The following KLHL35 variants were observed in gnomAD, a reference collection of about 807,000 sequenced individuals.
KLHL35 encodes kelch like family member 35.
KLHL35 carries 50 observed loss-of-function variants against 44.0 expected under a neutral mutation model. The ratio of observed to expected loss-of-function variants is 1.14; its 90% CI spans 0.91 to 1.44. KLHL35 has a LOEUF of 1.44. Ranked by LOEUF, KLHL35 falls within the 40% of genes most tolerant of loss-of-function variation. The pLI is 0.00. For missense variants in KLHL35, 1,049 were observed against 887.8 expected, an observed-to-expected ratio of 1.18 and a Z score of -2.31; for synonymous variants, 470 against 410.4, an observed-to-expected ratio of 1.15 and a Z score of -1.76.
chr11:75,429,233 T>TAA (rs1948514341), intron 2 of KLHL35, among the ~76,000 whole-genome samples: 1 of 152,176 alleles, frequency 6.6e-6, no homozygotes, highest in African/African-American at 2.4e-5. Context: ...TAGCCATTGG[T>TAA]TTTCTAATTC....
In KLHL35 at chr11:75,430,172, G is replaced by A. The variant is rs1371192248; in HGVS notation, c.458C>T (p.Ala153Val). ...VRFLEGRLRA[A>V]NSLALRRVAA... ...CACGCGGCGCAGCGCTAGGCTGTTG[G>A]CGGCGCGCAGGCGGCCCTCGAGAAA... is the stretch of plus-strand genomic sequence containing the variant. Residue 153 changes from alanine to valine, a missense_variant, in exon 2 of 7, where the codon GCC becomes GTC. Coordinates refer to ENST00000539798, the MANE Select transcript of KLHL35 (RefSeq NM_001039548.3). 2 of 1,235,196 alleles carry A rather than the reference G, an allele frequency of 1.6e-6. No individual in the cohort carries two copies. Among genetic ancestry groups the A allele is most frequent in the South Asian group, 2.8e-5 (1 of 36,340 alleles). The allele number at this position is 1,235,196 out of a possible 1,614,324, so 76.5% of individuals were successfully genotyped here.
At position 75,428,661 on chromosome 11, in the gene KLHL35, G is replaced by A. The variant is rs752307466; in HGVS notation, c.882-35C>T. 11 of 1,522,312 alleles carry A rather than the reference G, an allele frequency of 7.2e-6. No homozygotes were observed. In the East Asian group the frequency reaches 9.2e-5, roughly 13 times the overall value. The allele number at this position is 1,522,312 out of a possible 1,614,324, so 94.3% of individuals were successfully genotyped here. ...GGATAAGCCCAGTGCCTGTTGGGCC[G>A]CACCCAAGTTCGGCCCTCTCTTACC... On this transcript the variant is annotated intron_variant, in intron 2 of 6. Transcript: ENST00000539798.
chr11:75,427,730 C>A (rs1299149748), intron 3 of KLHL35, among the ~76,000 whole-genome samples: 1 of 152,198 alleles, frequency 6.6e-6, no homozygotes, highest in Non-Finnish European at 1.5e-5. Flanking sequence ...AGCCCTGAGT[C>A]CCCAGGGTTC....
At chr11:75,425,776 C>G (rs577027637) in intron 4 of KLHL35, 195 bp from the exon 5 acceptor site, 2 of 450,880 alleles carry the variant, frequency 4.4e-6, no homozygotes, top group Non-Finnish European at 7.7e-6. Flanking sequence ...CTCCCTGAGC[C>G]GGTTTCCTCT....
chr11:75,429,939 G>A lies in KLHL35; in HGVS notation c.691C>T (p.Arg231Cys), dbSNP rs530827990. Residue 231 changes from arginine (R) to cysteine (C), a missense_variant, in exon 2 of 7, where the codon CGC becomes TGC. Physicochemically the swap from Arg to Cys is radical, Grantham distance 180. Coordinates refer to ENST00000539798, the MANE Select transcript of KLHL35 (RefSeq NM_001039548.3). ...MRWVRHDAPA[R>C]RGQLRRLLEH... The stretch of plus-strand genomic sequence containing the variant: ...AGCAGGCGTCGCAGCTGGCCGCGGC[G>A]GGCCGGCGCGTCGTGGCGCACCCAG... 5.7e-5 allele frequency: 83 copies of A among 1,457,836 alleles called. No individual in the cohort carries two copies. In the South Asian group the frequency reaches 1.0e-3, roughly 18 times the overall value. 90.3% of individuals were successfully genotyped at this position (1,457,836 alleles called of 1,614,324 possible).
intron 4 of KLHL35, chr11:75,425,978 C>G (rs1215249181): frequency 1.2e-5 from 2 of 161,454 alleles, no homozygotes; most frequent in African/African-American, 2.5e-5. Context: ...TTTTTTGAGA[C>G]AAAGTCTCGC....
At chr11:75,427,389 C>A (rs537506431) in intron 3 of KLHL35, among the ~76,000 whole-genome samples, 103 of 152,324 alleles carry the variant, frequency 6.8e-4, no homozygotes, top group African/African-American at 2.4e-3. Context: ...TCAATGGGAG[C>A]CTCCCTGGGG....
intron 5 of KLHL35, 49 bp downstream of exon 5, chr11:75,425,344 T>C: frequency 6.7e-7 from 1 of 1,483,132 alleles, no homozygotes; most frequent in Non-Finnish European, 8.9e-7. Context: ...TGGCACACAG[T>C]GGGCACCCCA....
intron 5 of KLHL35, 37 bp from the exon 6 acceptor site, chr11:75,423,917 C>T: frequency 3.4e-6 from 5 of 1,463,252 alleles, no homozygotes; most frequent in Non-Finnish European, 4.6e-6. Context: ...AGACTCACCG[C>T]CCCCCCCAAC....
At chr11:75,428,667 A>G in intron 2 of KLHL35, 41 bp from the exon 3 acceptor site, 1 of 1,511,598 alleles carries the variant, frequency 6.6e-7, no homozygotes, top group Non-Finnish European at 8.9e-7. Context: ...GGCCGCACCC[A>G]AGTTCGGCCC....
chr11:75,423,751 A>T lies in KLHL35; in HGVS notation c.1504T>A (p.Phe502Ile). Residue 502 changes from phenylalanine (F) to isoleucine (I), a missense_variant, in exon 6 of 7, where the codon TTC (phenylalanine) becomes ATC (isoleucine). Phe to Ile is a conservative substitution (Grantham distance 21). Transcript: ENST00000539798. The stretch of plus-strand genomic sequence containing the variant: ...ACATCTGTGCCTGGATCATAGGTGA[A>T]GATTTTGCTCATGAGACCCCCCATG... ...YVMGGLMSKI[F>I]TYDPGTDVWG... 6.2e-7 allele frequency: 1 copy of T among 1,613,834 alleles called. No homozygotes were observed. The highest frequency in any genetic ancestry group is 8.5e-7 in the Non-Finnish European group (1 of 1,179,856).
Position 75,428,461 on chromosome 11 carries a change from G to C in KLHL35, c.1047C>G (p.Arg349=). ...CCTCACCGGAGACGTAGACGTCATT[G>C]CGGAGAGCACAGGCGGCGAATTCTG... The part of the protein sequence containing the change: ...TRSEFAACAL[R]NDVYVSGGHI... The change falls in exon 3 of 7, where the codon CGC becomes CGG. Residue 349 remains arginine, a synonymous_variant. Coordinates refer to ENST00000539798, the MANE Select transcript of KLHL35 (RefSeq NM_001039548.3). 6.2e-7 allele frequency: 1 copy of C among 1,612,506 alleles called. No homozygotes were observed. The highest frequency in any genetic ancestry group is 8.5e-7 in the Non-Finnish European group (1 of 1,179,870).
Position 75,426,482 on chromosome 11 carries a change from C to A in KLHL35, c.1185+38G>T, listed in dbSNP as rs765645844. ...CCTCCAGCACATCCACAGATCTGTA[C>A]CTTGTGTCCCAGGGCAGCCGCTGCA... is the stretch of plus-strand genomic sequence containing the variant. On this transcript the variant is annotated intron_variant, in intron 4 of 6. Coordinates refer to ENST00000539798, the MANE Select transcript of KLHL35 (RefSeq NM_001039548.3). 4 of 1,414,180 alleles carry A rather than the reference C, an allele frequency of 2.8e-6. No individual in the cohort carries two copies. In the South Asian group the frequency reaches 4.9e-5, roughly 17 times the overall value. 87.6% of individuals were successfully genotyped at this position (1,414,180 alleles called of 1,614,324 possible).
At chr11:75,425,296 TA>T in intron 5 of KLHL35, 96 bp downstream of exon 5, 1 of 1,306,642 alleles carries the variant, frequency 7.7e-7, no homozygotes, top group Non-Finnish European at 1.0e-6. Flanking sequence ...ATTAAGTGAA[TA>T]AATGGACAAG....
intron 2 of KLHL35, 113 bp downstream of exon 2, chr11:75,429,636 C>T: frequency 7.8e-7 from 1 of 1,283,020 alleles, no homozygotes. Flanking sequence ...AAATGTTGAA[C>T]GAATGACTGA....
chr11:75,423,054 G>A, intron 6 of KLHL35: 1 of 433,454 alleles, frequency 2.3e-6, no homozygotes, highest in Non-Finnish European at 4.2e-6. Flanking sequence ...ACAGTTAATG[G>A]AAGTTAAGCA....
Position 75,428,530 on chromosome 11 carries a change from G to C in KLHL35, c.978C>G (p.Ser326Arg), listed in dbSNP as rs530840856. ...GGCTGGGCAGTGGGGTCCACCGCTG[G>C]CTCTCTGGATGGTAGGCATCGGCGA... ...LPFADAYHPE[S>R]QRWTPLPSLP... The change falls in exon 3 of 7, where the codon AGC becomes AGG. Residue 326 changes from serine (S) to arginine (R), a missense_variant. By Grantham distance (110) the Ser-to-Arg change is moderately radical. Coordinates refer to ENST00000539798, the MANE Select transcript of KLHL35 (RefSeq NM_001039548.3). 4 of 1,612,106 alleles carry C rather than the reference G, an allele frequency of 2.5e-6. No individual in the cohort carries two copies. The highest frequency in any genetic ancestry group is 3.4e-6 in the Non-Finnish European group (4 of 1,179,850).
At chr11:75,423,638 G>T (rs1948467985) in intron 6 of KLHL35, 54 bp downstream of exon 6, 1 of 1,469,784 alleles carries the variant, frequency 6.8e-7, no homozygotes, top group Non-Finnish European at 9.4e-7. Context: ...CAAGCTCCAA[G>T]ATCCAGAGCC....
chr11:75,432,122 C>T (rs897278531), intron 1 of KLHL35, among the ~76,000 whole-genome samples: 5 of 152,144 alleles, frequency 3.3e-5, no homozygotes, highest in South Asian at 4.1e-4. Context: ...TGCACACCTC[C>T]AGGGACAGGG....
Sources: allele counts gnomAD v4.1 joint callset (sites outside exome capture counted in the v4.1 genomes callset), GRCh38; gene constraint gnomAD v4.1.1; transcripts MANE v1.5; gene names NCBI Gene and HGNC (gene_info 2026-07-23, HGNC 2026-07-21).